Variants in HS3ST5 observed in about 807,000 individuals in gnomAD.
HS3ST5 encodes the protein heparan sulfate glucosamine 3-O-sulfotransferase 5.
Under a neutral mutation model 25.4 loss-of-function variants are expected in HS3ST5, and 10 were observed. The ratio of observed to expected loss-of-function variants is 0.39; its 90% CI spans 0.24 to 0.67. HS3ST5 has a LOEUF of 0.67. HS3ST5 is among the 30% of genes least tolerant of loss of function. HS3ST5 has a pLI of 0.44. For synonymous variants in HS3ST5, 170 were observed against 162.4 expected, an observed-to-expected ratio of 1.05 and a Z score of -0.36; for missense variants, 324 against 420.7, an observed-to-expected ratio of 0.77 and a Z score of 2.01.
intron 2 of HS3ST5, among the ~76,000 whole-genome samples, chr6:114,194,487 CT>C (rs1439184526): frequency 2.0e-5 from 3 of 152,124 alleles, no homozygotes; most frequent in Admixed American, 2.0e-4. Context: ...GAAACCAGCC[CT>C]TTCAAAAGAC....
intron 1 of HS3ST5, among the ~76,000 whole-genome samples, chr6:114,255,314 G>A (rs1489745475): frequency 6.6e-6 from 1 of 152,180 alleles, no homozygotes; most frequent in Admixed American, 6.5e-5. Context: ...ATGGTCTTGG[G>A]AAGCTCCACC....
intron 3 of HS3ST5, among the ~76,000 whole-genome samples, chr6:114,156,972 G>T (rs774041692): frequency 1.3e-5 from 2 of 152,008 alleles, no homozygotes; most frequent in East Asian, 3.9e-4. Flanking sequence ...TTCATAAAAG[G>T]TTTCTCACCT....
intron 3 of HS3ST5, among the ~76,000 whole-genome samples, chr6:114,083,661 A>G (rs1341011606): frequency 6.6e-6 from 1 of 152,210 alleles, no homozygotes; most frequent in Admixed American, 6.5e-5. Flanking sequence ...TTTCTTTAAT[A>G]TGTCTTCGTG....
chr6:114,063,169 T>G (rs1394280367), intron 3 of HS3ST5, among the ~76,000 whole-genome samples: 1 of 151,898 alleles, frequency 6.6e-6, no homozygotes, highest in Non-Finnish European at 1.5e-5. Flanking sequence ...TAACATATAG[T>G]GTGTTTGTGT....
chr6:114,123,418 G>A (rs1018930439), intron 3 of HS3ST5, among the ~76,000 whole-genome samples: 3 of 152,166 alleles, frequency 2.0e-5, no homozygotes, highest in Non-Finnish European at 4.4e-5. Flanking sequence ...GCAATTAAGA[G>A]ATGTCTGACT....
At chr6:114,097,782 C>A (rs1234423302) in intron 3 of HS3ST5, among the ~76,000 whole-genome samples, 1 of 151,768 alleles carries the variant, frequency 6.6e-6, no homozygotes, top group African/African-American at 2.4e-5. Context: ...AGTATATATT[C>A]TCATTATTTT....
chr6:114,253,397 C>A (rs1772755210), intron 1 of HS3ST5, among the ~76,000 whole-genome samples: 1 of 152,122 alleles, frequency 6.6e-6, no homozygotes, highest in African/African-American at 2.4e-5. Flanking sequence ...TCCAAAGAAT[C>A]GCTGTTTCCT....
At chr6:114,277,632 T>A (rs563349222) in intron 1 of HS3ST5, among the ~76,000 whole-genome samples, 1 of 151,920 alleles carries the variant, frequency 6.6e-6, no homozygotes, top group Non-Finnish European at 1.5e-5. Context: ...TAATGCTTCT[T>A]GCACAAAACA....
intron 1 of HS3ST5, among the ~76,000 whole-genome samples, chr6:114,303,110 C>T (rs1775147216): frequency 1.3e-5 from 2 of 152,110 alleles, no homozygotes; most frequent in Admixed American, 1.3e-4. Context: ...TGGGGTGTAA[C>T]CAGGTTTCAC....
intron 3 of HS3ST5, among the ~76,000 whole-genome samples, chr6:114,076,622 C>G (rs1774153480): frequency 2.0e-5 from 3 of 152,102 alleles, no homozygotes; most frequent in Admixed American, 1.3e-4. Flanking sequence ...TGTCAGGGAG[C>G]CCATAGAGAT....
chr6:114,304,307 C>T (rs1466675487), intron 1 of HS3ST5, among the ~76,000 whole-genome samples: 2 of 152,044 alleles, frequency 1.3e-5, no homozygotes, highest in Non-Finnish European at 2.9e-5. Flanking sequence ...ATACTAGGCA[C>T]AAACACAATT....
At chr6:114,262,845 G>A (rs1773239395) in intron 1 of HS3ST5, among the ~76,000 whole-genome samples, 1 of 151,778 alleles carries the variant, frequency 6.6e-6, no homozygotes, top group African/African-American at 2.4e-5. Flanking sequence ...TTGGAGATGT[G>A]GTATCAAAAA....
At chr6:114,073,092 T>C (rs1773919357) in intron 3 of HS3ST5, among the ~76,000 whole-genome samples, 1 of 152,222 alleles carries the variant, frequency 6.6e-6, no homozygotes, top group East Asian at 1.9e-4. Flanking sequence ...GCTAGCCATA[T>C]GTAGAAAGCT....
chr6:114,083,927 T>A (rs1321622523), intron 3 of HS3ST5, among the ~76,000 whole-genome samples: 1 of 152,206 alleles, frequency 6.6e-6, no homozygotes, highest in Non-Finnish European at 1.5e-5. Context: ...TTAGGATTGA[T>A]CTGCCAGTTC....
intron 1 of HS3ST5, among the ~76,000 whole-genome samples, chr6:114,265,051 T>A (rs1773345478): frequency 6.6e-6 from 1 of 152,068 alleles, no homozygotes; most frequent in Non-Finnish European, 1.5e-5. Flanking sequence ...AACTAATTTT[T>A]ATTTTTATTT....
At chr6:114,313,074 C>T (rs576760576) in intron 1 of HS3ST5, among the ~76,000 whole-genome samples, 28 of 122,940 alleles carry the variant, frequency 2.3e-4, no homozygotes, top group African/African-American at 6.0e-4. Context: ...GATACACTCA[C>T]GGCCAATAAA....
chr6:114,330,048 G>A (rs1776330824), intron 1 of HS3ST5, among the ~76,000 whole-genome samples: 1 of 152,120 alleles, frequency 6.6e-6, no homozygotes, highest in Admixed American at 6.6e-5. Flanking sequence ...ACAGTCCGGT[G>A]GGAGTGGTAT....
intron 1 of HS3ST5, among the ~76,000 whole-genome samples, chr6:114,242,619 C>T (rs985436685): frequency 6.6e-6 from 1 of 151,266 alleles, no homozygotes; most frequent in African/African-American, 2.4e-5. Flanking sequence ...ATGTCTAGGC[C>T]GAGGCGGGTG....
chr6:114,106,052 T>C (rs1775978757), intron 3 of HS3ST5, among the ~76,000 whole-genome samples: 1 of 152,160 alleles, frequency 6.6e-6, no homozygotes. Flanking sequence ...AAGTGTTCTT[T>C]ACTTTGGGGT....
Sources: allele counts gnomAD v4.1 joint callset (sites outside exome capture counted in the v4.1 genomes callset), GRCh38; gene constraint gnomAD v4.1.1; transcripts MANE v1.5; gene names NCBI Gene and HGNC (gene_info 2026-07-23, HGNC 2026-07-21).